MYT1L: variants seen among roughly 807,000 people sequenced by gnomAD.
The protein encoded by MYT1L is myelin transcription factor 1-like protein.
In MYT1L, 12 loss-of-function variants were observed where a neutral mutation model predicts 126.7. That is an observed-to-expected ratio of 0.09 (90% CI 0.06 to 0.15). The LOEUF is 0.15. MYT1L is among the 10% of genes least tolerant of loss of function. The pLI is 1.00. For missense variants in MYT1L, 979 were observed against 1,585.2 expected (o/e 0.62, Z 6.49); for synonymous variants, 541 against 604.2 (o/e 0.90, Z 1.53).
intron 2 of MYT1L, among the ~76,000 whole-genome samples, chr2:2,227,843 C>T (rs1325292878): frequency 6.6e-6 from 1 of 152,112 alleles, no homozygotes; most frequent in Admixed American, 6.6e-5. Flanking sequence ...CAATATTTTG[C>T]CCTGATTTAT....
chr2:2,267,414 G>A (rs1053136354), intron 2 of MYT1L, among the ~76,000 whole-genome samples: 12 of 152,304 alleles, frequency 7.9e-5, no homozygotes, highest in East Asian at 1.9e-4. Flanking sequence ...ACATGAAGGC[G>A]TCAAAGTGCA....
intron 3 of MYT1L, among the ~76,000 whole-genome samples, chr2:2,106,504 G>A (rs1345478146): frequency 6.6e-6 from 1 of 152,188 alleles, no homozygotes; most frequent in Non-Finnish European, 1.5e-5. Context: ...TGTAGAACCA[G>A]CTGTTCAGGA....
At chr2:2,179,396 C>T (rs550477255) in intron 2 of MYT1L, among the ~76,000 whole-genome samples, 2 of 152,198 alleles carry the variant, frequency 1.3e-5, no homozygotes, top group African/African-American at 4.8e-5. Context: ...CCCTCCCTAC[C>T]AGACCCCGAA....
chr2:1,967,679 C>CACCTTATTCTAATAA (rs2059474956), intron 8 of MYT1L, among the ~76,000 whole-genome samples: 1 of 152,168 alleles, frequency 6.6e-6, no homozygotes, highest in Admixed American at 6.5e-5. Flanking sequence ...TCAGGCCTGA[C>CACCTTATTCTAATAA]TGGAGCTGGA....
chr2:2,154,227 T>C (rs1191206623), intron 3 of MYT1L, among the ~76,000 whole-genome samples: 1 of 152,210 alleles, frequency 6.6e-6, no homozygotes, highest in Non-Finnish European at 1.5e-5. Context: ...ATAGGTTTCT[T>C]AGTCCCAGGA....
chr2:2,217,019 T>G (rs1366962065), intron 2 of MYT1L, among the ~76,000 whole-genome samples: 1 of 152,176 alleles, frequency 6.6e-6, no homozygotes, highest in Admixed American at 6.5e-5. Context: ...ACCAAAGAAA[T>G]GCAAATTGTA....
chr2:2,294,242 A>T (rs2149479714), intron 1 of MYT1L, among the ~76,000 whole-genome samples: 1 of 152,248 alleles, frequency 6.6e-6, no homozygotes, highest in South Asian at 2.1e-4. Flanking sequence ...TGCTTAGAAA[A>T]CAACTGGCCA....
At chr2:2,234,486 A>T (rs947574487) in intron 2 of MYT1L, among the ~76,000 whole-genome samples, 3 of 152,192 alleles carry the variant, frequency 2.0e-5, no homozygotes, top group African/African-American at 7.2e-5. Context: ...TACATAATAT[A>T]TACCTTTGCT....
chr2:2,070,497 G>A (rs1165068135), intron 3 of MYT1L, among the ~76,000 whole-genome samples: 1 of 152,170 alleles, frequency 6.6e-6, no homozygotes, highest in Non-Finnish European at 1.5e-5. Flanking sequence ...GTTCCTTCTG[G>A]CTTGATACTG....
intron 21 of MYT1L, among the ~76,000 whole-genome samples, chr2:1,836,325 C>T (rs73913433): frequency 0.042 from 6,130 of 146,464 alleles, 430 homozygotes; most frequent in African/African-American, 0.15. Context: ...ATTCCATCAA[C>T]GTGCACTCCA....
At chr2:2,247,990 C>T (rs1311429992) in intron 2 of MYT1L, among the ~76,000 whole-genome samples, 4 of 151,782 alleles carry the variant, frequency 2.6e-5, no homozygotes, top group Non-Finnish European at 4.4e-5. Flanking sequence ...AAAAAAGCAA[C>T]AGCAAACCAA....
chr2:2,020,534 TC>T (rs1465378838), intron 4 of MYT1L, among the ~76,000 whole-genome samples: 1 of 152,206 alleles, frequency 6.6e-6, no homozygotes, highest in Non-Finnish European at 1.5e-5. Context: ...AATAGGTAGT[TC>T]CTAGACATGT....
rs1269398463 is a variant in MYT1L at position 1,925,482 on chromosome 2, T to C, written c.506-2219A>G. Among the ~76,000 whole-genome samples, 3 of 152,230 alleles carry C rather than the reference T, an allele frequency of 2.0e-5. 1 individual carries two copies. Among genetic ancestry groups the C allele is most frequent in the Non-Finnish European group, 4.4e-5 (3 of 68,042 alleles). Reference sequence around the variant, plus strand: ...CCTACATTCTCCCTTCAGCAGCACGTAGTTAAGAAGTACATCTCACCTTTT... The same window carrying C: ...CCTACATTCTCCCTTCAGCAGCACGCAGTTAAGAAGTACATCTCACCTTTT... On this transcript the variant is annotated intron_variant, in intron 9 of 24. Coordinates refer to ENST00000647738, the MANE Select transcript of MYT1L (RefSeq NM_001303052.2).
At chr2:1,920,076 T>C (rs552591253) in intron 10 of MYT1L, among the ~76,000 whole-genome samples, 4 of 152,278 alleles carry the variant, frequency 2.6e-5, no homozygotes, top group Non-Finnish European at 5.9e-5. Context: ...TGGAATAATG[T>C]GGAAGACACT....
In MYT1L at chr2:2,284,143, G is replaced by C. The variant is rs1176217623; in HGVS notation, c.-421+261C>G. Among the ~76,000 whole-genome samples the C allele has an allele frequency of 2.0e-5, 3 of 152,140 alleles. 1 individual carries two copies. Among genetic ancestry groups the C allele is most frequent in the Admixed American group, 2.0e-4 (3 of 15,264 alleles). ...GTTCAGTTCATTTATGAAATATTTA[G>C]ATTATAGGTGATGCTTTCATCAGTA... On this transcript the variant is annotated intron_variant, in intron 2 of 24. Coordinates refer to ENST00000647738, the MANE Select transcript of MYT1L (RefSeq NM_001303052.2).
chr2:2,115,383 AC>A (rs969543002), intron 3 of MYT1L, among the ~76,000 whole-genome samples: 2 of 152,084 alleles, frequency 1.3e-5, no homozygotes, highest in African/African-American at 4.8e-5. Context: ...AATTTATAGA[AC>A]CCCCACAATA....
intron 9 of MYT1L, among the ~76,000 whole-genome samples, chr2:1,941,667 A>ATG (rs35418835): frequency 0.21 from 32,484 of 151,790 alleles, 3,547 homozygotes; most frequent in East Asian, 0.31. Context: ...TATGTAATGC[A>ATG]TGTGTGTGTG....
rs2060397641 is a variant in MYT1L at position 1,979,074 on chromosome 2, A to T, written c.152+91T>A. 1 of 1,022,776 alleles carries T rather than the reference A, an allele frequency of 9.8e-7. No individual in the cohort carries two copies. Among genetic ancestry groups the T allele is most frequent in the Non-Finnish European group, 1.5e-6 (1 of 672,580 alleles). 63.4% of individuals were successfully genotyped at this position (1,022,776 alleles called of 1,614,324 possible). On this transcript the variant is annotated intron_variant, in intron 8 of 24. Coordinates refer to ENST00000647738, the MANE Select transcript of MYT1L (RefSeq NM_001303052.2). This position sits in a 1 kb window ranked among gnomAD's most constrained non-coding sequence, Gnocchi z 4.0. ...GGCATAATGTGTATTGCTTTCCAAG[A>T]ACACCTGCTCACACAGTTCATCATC...
At chr2:2,053,447 A>G (rs1047567672) in intron 4 of MYT1L, among the ~76,000 whole-genome samples, 1 of 152,224 alleles carries the variant, frequency 6.6e-6, no homozygotes, top group Non-Finnish European at 1.5e-5. Context: ...TGAAAACAAA[A>G]GGCCATAACC....
Sources: gnomAD v4.1 joint callset for allele counts (sites outside exome capture counted in the v4.1 genomes callset) on GRCh38, gnomAD v4.1.1 for gene constraint, Gnocchi (gnomAD v3.1) non-coding constraint, MANE v1.5 for transcripts, NCBI Gene and HGNC (gene_info 2026-07-23, HGNC 2026-07-21) for gene names.